The following KRT77 variants were observed in gnomAD, a reference collection of about 807,000 sequenced individuals.
KRT77 encodes keratin, type II cytoskeletal 1b.
Under a neutral mutation model 51.5 loss-of-function variants are expected in KRT77, and 44 were observed. The ratio of observed to expected loss-of-function variants is 0.85; its 90% CI spans 0.67 to 1.10. The LOEUF is 1.10. KRT77 is among the 50% of genes least tolerant of loss of function. The pLI, the probability that KRT77 is intolerant of heterozygous loss-of-function variation, is 0.00. For missense variants in KRT77, 763 were observed against 743.9 expected, an observed-to-expected ratio of 1.03 and a Z score of -0.30; for synonymous variants, 293 against 302.0, an observed-to-expected ratio of 0.97 and a Z score of 0.31.
rs961622365 is a variant in KRT77 at position 52,691,210 on chromosome 12, G to A, written c.1692C>T (p.Ile564=). Residue 564 remains isoleucine (I), a synonymous_variant, in exon 9 of 9, where the codon ATC becomes ATT. Transcript: ENST00000341809. The part of the protein sequence containing the change: ...RSGRGSSRVQ[I]IQTSTNTSHR... The stretch of plus-strand genomic sequence containing the variant: ...GGGAGGTGTTGGTGGAGGTCTGGAT[G>A]ATCTGCACGCGCGAGGATCCGCGGC... 6.9e-5 allele frequency: 112 copies of A among 1,614,000 alleles called. No individual in the cohort carries two copies. The highest frequency in any genetic ancestry group is 9.2e-5 in the Non-Finnish European group (109 of 1,180,012).
chr12:52,694,819 C>T lies in KRT77; in HGVS notation c.916-29G>A, dbSNP rs201077445. On this transcript the variant is annotated intron_variant, in intron 4 of 8. Transcript: ENST00000341809. ...CGAGGCATGGCGCACAGGCTGACTC[C>T]TTCCATTCTCCTCTGGGGGCCTCAG... is the stretch of plus-strand genomic sequence containing the variant. 7.7e-6 allele frequency: 12 copies of T among 1,565,040 alleles called. No homozygotes were observed. The Admixed American group carries it at 1.2e-4, about 16-fold the overall frequency.
intron 5 of KRT77, chr12:52,693,580 T>A (rs1941749433): frequency 6.6e-6 from 1 of 150,848 alleles, no homozygotes; most frequent in Admixed American, 6.6e-5. Flanking sequence ...TCAAAGCCAG[T>A]CATCAATGCT....
chr12:52,696,532 T>A, intron 2 of KRT77, 102 bp from the exon 3 acceptor site: 1 of 965,928 alleles, frequency 1.0e-6, no homozygotes. Flanking sequence ...AAACATTTGC[T>A]GTCCTGGGTT....
At chr12:52,700,448 G>C (rs1592275061) in intron 1 of KRT77, among the ~76,000 whole-genome samples, 1 of 151,954 alleles carries the variant, frequency 6.6e-6, no homozygotes, top group South Asian at 2.1e-4. Flanking sequence ...ACCCACAGAA[G>C]GTGAGGGAGG....
chr12:52,692,391 T>C (rs1941724150), intron 7 of KRT77, 30 bp downstream of exon 7: 1 of 1,611,220 alleles, frequency 6.2e-7, no homozygotes, highest in Non-Finnish European at 8.5e-7. Flanking sequence ...TCTCAAGCCT[T>C]AGCCCCAGAA....
At position 52,691,246 on chromosome 12, in the gene KRT77, G is replaced by A. The variant is rs1416378390; in HGVS notation, c.1656C>T (p.Ser552=). The A allele has an allele frequency of 1.9e-6, 3 of 1,612,244 alleles. No individual in the cohort carries two copies. The highest frequency in any genetic ancestry group is 2.2e-5 in the South Asian group (2 of 90,932). ...CGGGGGSYGG[S]GRSGRGSSRV... Reference sequence around the variant, plus strand: ...GCGAGGATCCGCGGCCGCTTCTGCCGCTCCCTCCGTAGCTCCCGCCACCGC... The same window carrying A: ...GCGAGGATCCGCGGCCGCTTCTGCCACTCCCTCCGTAGCTCCCGCCACCGC... The change falls in exon 9 of 9, where the codon AGC becomes AGT. Residue 552 remains serine (S), a synonymous_variant. Transcript: ENST00000341809.
chr12:52,696,534 T>A, intron 2 of KRT77, 104 bp from the exon 3 acceptor site: 1 of 960,574 alleles, frequency 1.0e-6, no homozygotes. Flanking sequence ...ACATTTGCTG[T>A]CCTGGGTTCA....
At chr12:52,692,372 A>C in intron 7 of KRT77, 49 bp downstream of exon 7, 1 of 1,594,336 alleles carries the variant, frequency 6.3e-7, no homozygotes, top group Non-Finnish European at 8.6e-7. Flanking sequence ...CCACAGCTTC[A>C]TGGGTGCATC....
chr12:52,696,409 C>G lies in KRT77; in HGVS notation c.780G>C (p.Lys260Asn). 1.2e-6 allele frequency: 2 copies of G among 1,614,206 alleles called. No individual in the cohort carries two copies. Among genetic ancestry groups the G allele is most frequent in the Non-Finnish European group, 1.7e-6 (2 of 1,180,022 alleles). ...CAAAGTCATTCTCGCTGCCAGTCCT[C>G]TTGTTGATTTCATCCTCATACCTGT... is the stretch of plus-strand genomic sequence containing the variant. ...YKSKYEDEIN[K>N]RTGSENDFVV... The change falls in exon 3 of 9, where the codon AAG becomes AAC. Residue 260 changes from lysine (K) to asparagine (N), a missense_variant. By Grantham distance (94) the Lys-to-Asn change is moderately conservative. Transcript: ENST00000341809.
Position 52,703,339 on chromosome 12 carries a change from C to A in KRT77, c.96G>T (p.Pro32=). The A allele has an allele frequency of 6.2e-7, 1 of 1,614,110 alleles. No individual in the cohort carries two copies. The highest frequency in any genetic ancestry group is 8.5e-7 in the Non-Finnish European group (1 of 1,180,018). The change falls in exon 1 of 9, where the codon CCG becomes CCT. Residue 32 remains proline, a synonymous_variant. Transcript: ENST00000341809. ...GAGCATAACACACAGAACCCACTGC[C>A]GGACTCCCACCACCAGAGCCTGCAG... ...SSSAGSGGGS[P]AVGSVCYARG...
Position 52,691,391 on chromosome 12 carries a change from C to CCG in KRT77, c.1509_1510dup (p.Gly504AlafsTer119), listed in dbSNP as rs1941706618. On this transcript the variant is annotated frameshift_variant, in exon 9 of 9. Transcript: ENST00000341809. LOFTEE classifies it low-confidence loss of function (END_TRUNC). ...GCCGTAGCCTCCTGAGCCGTAGCTG[C>CCG]CGCCGCCTCCCGCGCCGCCGTTGAC... is the stretch of plus-strand genomic sequence containing the variant. 6 of 1,599,922 alleles carry CCG rather than the reference C, an allele frequency of 3.8e-6. No individual in the cohort carries two copies. The highest frequency in any genetic ancestry group is 1.7e-5 in the Admixed American group (1 of 59,394).
chr12:52,696,592 T>C (rs1704368356), intron 2 of KRT77, 162 bp from the exon 3 acceptor site: 1 of 649,964 alleles, frequency 1.5e-6, no homozygotes, highest in Admixed American at 2.3e-5. Flanking sequence ...AGGCTGGCAC[T>C]CTCATGGATG....
chr12:52,697,688 T>C lies in KRT77; in HGVS notation c.752A>G (p.Lys251Arg), dbSNP rs1477889737. 3.7e-6 allele frequency: 6 copies of C among 1,610,682 alleles called. No homozygotes were observed. Among genetic ancestry groups the C allele is most frequent in the Non-Finnish European group, 5.1e-6 (6 of 1,178,196 alleles). Residue 251 changes from lysine to arginine, a missense_variant, in exon 2 of 9, where the codon AAG becomes AGG. Transcript: ENST00000341809. ...RSMQDVVEDY[K>R]SKYEDEINKR... ...GCCCTGCCTGGAGTCTCACTTGCTCTTGTAGTCCTCCACGACATCCTGCAT... is the reference window on the plus strand; with the variant it reads ...GCCCTGCCTGGAGTCTCACTTGCTCCTGTAGTCCTCCACGACATCCTGCAT...
intron 1 of KRT77, among the ~76,000 whole-genome samples, chr12:52,702,180 G>T (rs1265018374): frequency 6.6e-6 from 1 of 152,160 alleles, no homozygotes; most frequent in Non-Finnish European, 1.5e-5. Context: ...ATGGCCCAGA[G>T]AGTACTACCC....
At chr12:52,696,100 T>A (rs887698540) in intron 3 of KRT77, among the ~76,000 whole-genome samples, 13 of 152,192 alleles carry the variant, frequency 8.5e-5, no homozygotes, top group African/African-American at 3.1e-4. Flanking sequence ...GGTCCTTCCT[T>A]AGGTCCCAAG....
intron 5 of KRT77, among the ~76,000 whole-genome samples, chr12:52,693,248 C>A (rs1006637443): frequency 2.0e-5 from 3 of 150,476 alleles, no homozygotes; most frequent in African/African-American, 7.3e-5. Flanking sequence ...TATAGCTTCC[C>A]ACCCTTTTCC....
intron 1 of KRT77, chr12:52,698,181 A>G: frequency 1.5e-6 from 2 of 1,342,960 alleles, no homozygotes; most frequent in Middle Eastern, 2.0e-4. Flanking sequence ...CTCACCCTCC[A>G]CACTCAATTT....
chr12:52,693,811 T>A (rs372673061), intron 5 of KRT77: 1 of 150,802 alleles, frequency 6.6e-6, no homozygotes, highest in South Asian at 2.1e-4. Flanking sequence ...CAGAAAAGTA[T>A]CCATATGTGT....
chr12:52,694,874 G>T (rs568726827), intron 4 of KRT77, 84 bp from the exon 5 acceptor site: 2 of 1,305,306 alleles, frequency 1.5e-6, no homozygotes, highest in Non-Finnish European at 2.1e-6. Context: ...CAAGGCTCTC[G>T]GGGGAAGCCA....
Sources: gnomAD v4.1 joint callset for allele counts (sites outside exome capture counted in the v4.1 genomes callset) on GRCh38, gnomAD v4.1.1 for gene constraint, MANE v1.5 for transcripts, NCBI Gene and HGNC (gene_info 2026-07-23, HGNC 2026-07-21) for gene names.